KANK4: variants seen among roughly 807,000 people sequenced by gnomAD.
KANK4 encodes KN motif and ankyrin repeat domains 4, also known as KN motif and ankyrin repeat domain-containing protein 4.
KANK4 carries 50 observed loss-of-function variants against 80.8 expected under a neutral mutation model. The ratio of observed to expected loss-of-function variants is 0.62; its 90% CI spans 0.49 to 0.78. The LOEUF (loss-of-function observed/expected upper bound fraction) is 0.78. KANK4 is among the 30% of genes least tolerant of loss of function. The pLI is 0.00. For missense variants in KANK4, 1,196 were observed against 1,240.1 expected, an observed-to-expected ratio of 0.96 and a Z score of 0.53; for synonymous variants, 465 against 506.9, an observed-to-expected ratio of 0.92 and a Z score of 1.11.
Position 62,261,152 on chromosome 1 carries a change from CTTTTTTTT to C in KANK4, c.2539+1932_2539+1939del, listed in dbSNP as rs11322195. Among the ~76,000 whole-genome samples the C allele has an allele frequency of 7.3e-5, 5 of 68,382 alleles. No individual in the cohort carries two copies. In the South Asian group the frequency reaches 2.8e-3, roughly 39 times the overall value. The allele number at this position is 68,382 out of a possible 152,430, so 44.9% of individuals were successfully genotyped here. A position where few individuals can be genotyped will look rare whatever the true frequency, so the allele number is the denominator to read the frequency against. On this transcript the variant is annotated intron_variant, in intron 7 of 9. Transcript: ENST00000371153. ...CAGTCCGGCACTACCCTCCCAATGG[CTTTTTTTT>C]TTTTTTTTTTTTTTGAGACAGGGTC...
At position 62,268,424 on chromosome 1, in the gene KANK4, C is replaced by G. The variant is rs1248223968; in HGVS notation, c.2094G>C (p.Lys698Asn). Residue 698 changes from lysine (K) to asparagine (N), a missense_variant, in exon 5 of 10, where the codon AAG becomes AAC. By Grantham distance (94) the Lys-to-Asn change is moderately conservative. Around this residue, in one of 3 missense-constraint regions of KANK4, gnomAD observed 1,154 missense variants for 1,179.6 expected, o/e 0.98. Coordinates refer to ENST00000371153, the MANE Select transcript of KANK4 (RefSeq NM_181712.5). ...CATGCTTGTGATCTGGGCCGTCACACTTCTTCTCTGCCTCGCTGTCAGACA... is the reference window on the plus strand; with the variant it reads ...CATGCTTGTGATCTGGGCCGTCACAGTTCTTCTCTGCCTCGCTGTCAGACA... ...EDLSDSEAEK[K>N]CDGPDHKHVK... The G allele has an allele frequency of 6.2e-7, 1 of 1,614,002 alleles. No individual in the cohort carries two copies. The highest frequency in any genetic ancestry group is 8.5e-7 in the Non-Finnish European group (1 of 1,180,018).
rs17123318 is a variant in KANK4 at position 62,275,080 on chromosome 1, G to A, written c.24C>T (p.Asp8=). The A allele has an allele frequency of 0.045, 71,644 of 1,593,456 alleles. 2,184 individuals carry two copies. Among genetic ancestry groups the A allele is most frequent in the East Asian group, 0.13 (5,758 of 44,652 alleles). Residue 8 remains aspartate, a synonymous_variant, in exon 3 of 10, where the codon GAC becomes GAT. Coordinates refer to ENST00000371153, the MANE Select transcript of KANK4 (RefSeq NM_181712.5). ...TCTCTTCATCCCCCTGAGAGGACTG[G>A]TCTTTGGCTGGGAGACATAAGACAA... MEKTDAK[D]QSSQGDEEKD...
chr1:62,245,489 T>C (rs1337581529), intron 9 of KANK4, among the ~76,000 whole-genome samples: 1 of 152,182 alleles, frequency 6.6e-6, no homozygotes, highest in Non-Finnish European at 1.5e-5. Context: ...GGCAGGGAGA[T>C]GACTCTCTTC....
chr1:62,288,431 G>A (rs968742704), intron 1 of KANK4, among the ~76,000 whole-genome samples: 5 of 152,208 alleles, frequency 3.3e-5, no homozygotes, highest in African/African-American at 1.2e-4. Context: ...AAAGGTCAGC[G>A]CTTTGGTAGG....
intron 1 of KANK4, among the ~76,000 whole-genome samples, chr1:62,317,860 T>C (rs1002267907): frequency 2.3e-4 from 35 of 152,220 alleles, no homozygotes; most frequent in Non-Finnish European, 4.8e-4. Flanking sequence ...TGTACCTCAC[T>C]ACGTTGACCA....
chr1:62,285,949 C>T (rs887551761), intron 1 of KANK4, among the ~76,000 whole-genome samples: 30 of 152,268 alleles, frequency 2.0e-4, no homozygotes, highest in Admixed American at 1.3e-4. Context: ...GGGCCGAAGC[C>T]GGGACACCAG....
Position 62,273,593 on chromosome 1 carries a change from G to A in KANK4, c.1511C>T (p.Ala504Val), listed in dbSNP as rs1036803575. The A allele has an allele frequency of 1.9e-6, 3 of 1,614,134 alleles. No homozygotes were observed. Among genetic ancestry groups the A allele is most frequent in the East Asian group, 2.2e-5 (1 of 44,876 alleles). The change falls in exon 3 of 10, where the codon GCA becomes GTA. Residue 504 changes from alanine to valine, a missense_variant. Coordinates refer to ENST00000371153, the MANE Select transcript of KANK4 (RefSeq NM_181712.5). ...AGGGCCTCCTTCCTGTTCAGTGCCT[G>A]CTTCTTCAATCCTGAGTTCAGTGGA... Reference protein sequence around the residue: ...FLSTELRIEEAGTEQEGGPQG... With the variant: ...FLSTELRIEEVGTEQEGGPQG...
rs370149451 is a variant in KANK4, at chr1:62,302,345, C to T, written c.-71+16761G>A. Among the ~76,000 whole-genome samples, 5 of 151,910 alleles carry T rather than the reference C, an allele frequency of 3.3e-5. No homozygotes were observed. The South Asian group carries it at 6.2e-4, about 19-fold the overall frequency. ...AAGAAAGAGGAGCTGGCATAGGAGTCGACATTTACTCCAGGCACTGTGCTA... is the reference window on the plus strand; with the variant it reads ...AAGAAAGAGGAGCTGGCATAGGAGTTGACATTTACTCCAGGCACTGTGCTA... On this transcript the variant is annotated intron_variant, in intron 1 of 9. Coordinates refer to ENST00000371153, the MANE Select transcript of KANK4 (RefSeq NM_181712.5).
At chr1:62,270,460 C>A (rs1672134123) in intron 4 of KANK4, among the ~76,000 whole-genome samples, 1 of 151,720 alleles carries the variant, frequency 6.6e-6, no homozygotes, top group African/African-American at 2.4e-5. Context: ...CGGCGGCTCA[C>A]TGCAACCTCT....
intron 6 of KANK4, among the ~76,000 whole-genome samples, chr1:62,265,828 C>T (rs963599666): frequency 1.3e-5 from 2 of 152,104 alleles, no homozygotes; most frequent in Non-Finnish European, 2.9e-5. Context: ...TGTGAAGGAG[C>T]CAATGCGTAT....
At chr1:62,283,318 G>A (rs1672491702) in intron 1 of KANK4, among the ~76,000 whole-genome samples, 1 of 152,102 alleles carries the variant, frequency 6.6e-6, no homozygotes, top group African/African-American at 2.4e-5. Flanking sequence ...ATTATCTCAT[G>A]CAATCTTTAC....
rs11449212 is a variant in KANK4 at position 62,236,593 on chromosome 1, A to ATT, written c.*1682_*1683dup. 0.16 allele frequency among the ~76,000 whole-genome samples: 20,226 copies of ATT among 124,196 alleles called. 1,966 individuals are homozygous for ATT. The highest frequency in any genetic ancestry group is 0.2 in the Admixed American group (2,245 of 11,282). The allele number at this position is 124,196 out of a possible 152,430, so 81.5% of individuals were successfully genotyped here. On this transcript the variant is annotated 3_prime_UTR_variant, in exon 10 of 10. Transcript: ENST00000371153. ...ATGGCCTTAATGGGTTACAAATTGG[A>ATT]TTTTTTTTTTTTTTTTTTTTGAGAC...
In KANK4 at chr1:62,319,272, C is replaced by T. The variant is rs1308408250; in HGVS notation, c.-237G>A. 1 of 151,932 alleles carries T rather than the reference C, an allele frequency of 6.6e-6. No individual in the cohort carries two copies. The highest frequency in any genetic ancestry group is 6.6e-5 in the Admixed American group (1 of 15,246). 9.4% of individuals were successfully genotyped at this position (151,932 alleles called of 1,614,324 possible). A position where few individuals can be genotyped will look rare whatever the true frequency, so the allele number is the denominator to read the frequency against. On this transcript the variant is annotated 5_prime_UTR_variant, in exon 1 of 10. The change creates a new upstream start codon in the 5' untranslated region. Coordinates refer to ENST00000371153, the MANE Select transcript of KANK4 (RefSeq NM_181712.5). ...ACCCTGGTCGTCCGCGGCGCGCACA[C>T]CCTCCAGGCGCCCTCTGGCCGACGG...
chr1:62,301,238 G>A (rs769618118), intron 1 of KANK4, among the ~76,000 whole-genome samples: 1 of 152,076 alleles, frequency 6.6e-6, no homozygotes, highest in Non-Finnish European at 1.5e-5. Flanking sequence ...TCATTTCACA[G>A]ATGGGGAGAC....
Position 62,266,051 on chromosome 1 carries a change from C to T in KANK4, c.2319+681G>A, listed in dbSNP as rs1385994779. Among the ~76,000 whole-genome samples, 3 of 152,208 alleles carry T rather than the reference C, an allele frequency of 2.0e-5. No individual in the cohort carries two copies. The East Asian group carries it at 5.8e-4, about 29-fold the overall frequency. On this transcript the variant is annotated intron_variant, in intron 6 of 9. Coordinates refer to ENST00000371153, the MANE Select transcript of KANK4 (RefSeq NM_181712.5). ...AATAGAACCTTCAGTTCCCATTCTA[C>T]ATGCTTTTCACACTCTGTCCACAGT...
intron 1 of KANK4, among the ~76,000 whole-genome samples, chr1:62,283,093 T>C (rs545880186): frequency 6.6e-6 from 1 of 152,308 alleles, no homozygotes; most frequent in East Asian, 1.9e-4. Flanking sequence ...GCTGCCTCTC[T>C]CACCACCCCA....
At chr1:62,254,998 G>A (rs1343434481) in intron 7 of KANK4, among the ~76,000 whole-genome samples, 1 of 145,354 alleles carries the variant, frequency 6.9e-6, no homozygotes, top group African/African-American at 2.6e-5. Context: ...TGATTCTCCT[G>A]CCTCAGCCTC....
At chr1:62,292,067 C>T (rs1411646741) in intron 1 of KANK4, among the ~76,000 whole-genome samples, 1 of 152,178 alleles carries the variant, frequency 6.6e-6, no homozygotes, top group Admixed American at 6.5e-5. Context: ...CCCTCCCAGC[C>T]CCAGGAAACC....
At chr1:62,243,958 G>GT (rs949719352) in intron 9 of KANK4, among the ~76,000 whole-genome samples, 134 of 148,358 alleles carry the variant, frequency 9.0e-4, no homozygotes, top group Admixed American at 3.1e-3. Flanking sequence ...TGATGTGGTG[G>GT]TTTTTTTTTT....
Sources: gnomAD v4.1 joint callset for allele counts (sites outside exome capture counted in the v4.1 genomes callset) on GRCh38, gnomAD v4.1.1 for gene constraint, gnomAD v4.1.1 regional missense constraint, MANE v1.5 for transcripts, NCBI Gene and HGNC (gene_info 2026-07-23, HGNC 2026-07-21) for gene names.